SLC4A4: variants seen among roughly 807,000 people sequenced by gnomAD.
The protein encoded by SLC4A4 is solute carrier family 4 member 4.
SLC4A4 carries 27 observed loss-of-function variants against 111.5 expected under a neutral mutation model. That is an observed-to-expected ratio of 0.24 (90% CI 0.18 to 0.33). The LOEUF is 0.33. SLC4A4 is among the 10% of genes least tolerant of loss of function. The pLI is 1.00. For synonymous variants in SLC4A4, 443 were observed against 463.4 expected (o/e 0.96, Z 0.57); for missense variants, 909 against 1,315.5 (o/e 0.69, Z 4.78).
intron 1 of SLC4A4, among the ~76,000 whole-genome samples, chr4:71,062,885 GGAAGCGAT>G (rs1294449519): frequency 6.6e-6 from 1 of 152,156 alleles, no homozygotes; most frequent in Non-Finnish European, 1.5e-5. Flanking sequence ...TTAGGGGTGA[GGAAGCGAT>G]GAACCTTCTG....
At chr4:71,533,806 TAATTTCTTGCTACCTTTTTACTG>T (rs1288276203) in intron 17 of SLC4A4, among the ~76,000 whole-genome samples, 2 of 152,098 alleles carry the variant, frequency 1.3e-5, no homozygotes, top group African/African-American at 4.8e-5. Flanking sequence ...GGTGATTTGG[TAATTTCTTGCTACCTTTTTACTG>T]AATTTCTTGC....
chr4:71,175,117 G>T (rs1287769669), intron 2 of SLC4A4, among the ~76,000 whole-genome samples: 2 of 152,154 alleles, frequency 1.3e-5, no homozygotes, highest in African/African-American at 2.4e-5. Context: ...ATTATCCATA[G>T]GCAGATAAAT....
At chr4:71,482,341 T>A (rs2149124503) in intron 14 of SLC4A4, among the ~76,000 whole-genome samples, 1 of 151,794 alleles carries the variant, frequency 6.6e-6, no homozygotes, top group Admixed American at 6.6e-5. Context: ...GATGCTGGTC[T>A]TTTGGGATTT....
intron 3 of SLC4A4, among the ~76,000 whole-genome samples, chr4:71,297,496 A>G (rs1277361338): frequency 7.1e-6 from 1 of 141,058 alleles, no homozygotes; most frequent in East Asian, 2.0e-4. Context: ...GGCTTGATAC[A>G]CACACACAGA....
intron 6 of SLC4A4, among the ~76,000 whole-genome samples, chr4:71,377,733 A>T (rs1034872997): frequency 6.6e-6 from 1 of 152,200 alleles, no homozygotes. Context: ...GCAGTAAGCA[A>T]GGGTCATGGT....
At chr4:71,183,658 C>T (rs977510754), upstream of SLC4A4, among the ~76,000 whole-genome samples, 1 of 152,160 alleles carries the variant, frequency 6.6e-6, no homozygotes, top group African/African-American at 2.4e-5. Flanking sequence ...ATTTCTTACT[C>T]TTACACAATG....
chr4:71,377,357 G>T (rs1357401257), intron 6 of SLC4A4, among the ~76,000 whole-genome samples: 1 of 152,210 alleles, frequency 6.6e-6, no homozygotes, highest in Non-Finnish European at 1.5e-5. Flanking sequence ...TATTGAAAGG[G>T]AAGGTTAAGA....
intron 16 of SLC4A4, among the ~76,000 whole-genome samples, chr4:71,505,917 A>G (rs936824967): frequency 1.3e-5 from 2 of 152,104 alleles, no homozygotes; most frequent in Non-Finnish European, 2.9e-5. Flanking sequence ...ATGGCTAGCT[A>G]GTTCTCTTGG....
chr4:71,273,567 T>TA (rs1722850346), intron 3 of SLC4A4, among the ~76,000 whole-genome samples: 1 of 152,222 alleles, frequency 6.6e-6, no homozygotes, highest in African/African-American at 2.4e-5. Flanking sequence ...TTGTTCTTGA[T>TA]ACGTTTCCTC....
rs565794550 is a variant in SLC4A4 at position 71,392,171 on chromosome 4, TC to T, written c.731-5405del. On this transcript the variant is annotated intron_variant, in intron 6 of 25. Coordinates refer to ENST00000264485, the MANE Select transcript of SLC4A4 (RefSeq NM_001098484.3). ...TAATCTCTTTTGGTCCTCATCTTTT[TC>T]TTCTTGGATTTGGGTGATATGTTTC... Among the ~76,000 whole-genome samples the T allele has an allele frequency of 3.9e-3, 591 of 152,248 alleles. 4 individuals carry two copies. Among genetic ancestry groups the T allele is most frequent in the African/African-American group, 0.014 (569 of 41,558 alleles).
At chr4:71,176,038 G>T (rs1745085876) in intron 2 of SLC4A4, among the ~76,000 whole-genome samples, 1 of 152,194 alleles carries the variant, frequency 6.6e-6, no homozygotes, top group Non-Finnish European at 1.5e-5. Context: ...CTGTTCTGTA[G>T]CTTCCGCTGC....
chr4:71,103,728 A>G (rs1417677219), intron 2 of SLC4A4, among the ~76,000 whole-genome samples: 1 of 152,172 alleles, frequency 6.6e-6, no homozygotes, highest in Admixed American at 6.5e-5. Context: ...ACCAACGAGA[A>G]CAAAGACACA....
At chr4:71,492,156 A>G (rs1729990343) in intron 15 of SLC4A4, among the ~76,000 whole-genome samples, 1 of 151,588 alleles carries the variant, frequency 6.6e-6, no homozygotes, top group Non-Finnish European at 1.5e-5. Flanking sequence ...CTCCTTGAAG[A>G]TTACATATTC....
intron 20 of SLC4A4, among the ~76,000 whole-genome samples, chr4:71,552,980 C>T (rs561983860): frequency 6.6e-6 from 1 of 151,784 alleles, no homozygotes; most frequent in Admixed American, 6.6e-5. Flanking sequence ...AAGGATTGAC[C>T]TCCTGTGACC....
At chr4:71,310,091 A>G (rs1303827720) in intron 3 of SLC4A4, among the ~76,000 whole-genome samples, 3 of 151,868 alleles carry the variant, frequency 2.0e-5, no homozygotes, top group South Asian at 2.1e-4. Flanking sequence ...TCAGAGATTG[A>G]AGATGAACTT....
chr4:71,331,121 A>C (rs1336726660), intron 3 of SLC4A4, among the ~76,000 whole-genome samples: 1 of 152,190 alleles, frequency 6.6e-6, no homozygotes, highest in Non-Finnish European at 1.5e-5. Flanking sequence ...GAACACTTTT[A>C]CACTGTTGGT....
At chr4:71,383,858 A>G (rs980783967) in intron 6 of SLC4A4, among the ~76,000 whole-genome samples, 2 of 152,184 alleles carry the variant, frequency 1.3e-5, no homozygotes, top group African/African-American at 2.4e-5. Context: ...TCCAGAAAGG[A>G]GACGTGTGAG....
chr4:71,526,422 G>A (rs531590994), intron 16 of SLC4A4, among the ~76,000 whole-genome samples: 1 of 152,078 alleles, frequency 6.6e-6, no homozygotes, highest in South Asian at 2.1e-4. Flanking sequence ...TTAATAGGGT[G>A]GCTTTTTTCT....
intron 12 of SLC4A4, among the ~76,000 whole-genome samples, chr4:71,464,257 T>C (rs181609940): frequency 9.2e-5 from 14 of 152,262 alleles, no homozygotes; most frequent in Non-Finnish European, 8.8e-5. Context: ...ACCCAAAGAC[T>C]TGTTGTGTCA....
Sources: gnomAD v4.1 joint callset for allele counts (sites outside exome capture counted in the v4.1 genomes callset) on GRCh38, gnomAD v4.1.1 for gene constraint, MANE v1.5 for transcripts, NCBI Gene and HGNC (gene_info 2026-07-23, HGNC 2026-07-21) for gene names.